The following GNPTAB variants were observed in gnomAD, a reference collection of about 807,000 sequenced individuals.
GNPTAB encodes N-acetylglucosamine-1-phosphate transferase subunits alpha and beta.
A neutral mutation model predicts 136.6 loss-of-function variants in GNPTAB; 92 were observed. The observed-to-expected ratio is 0.67, with a 90% CI of 0.57 to 0.80. The LOEUF (loss-of-function observed/expected upper bound fraction) is 0.80. Ranked by LOEUF, GNPTAB falls within the 30% of genes least tolerant of loss-of-function variation. GNPTAB has a pLI of 0.00. For synonymous variants in GNPTAB, 512 were observed against 535.1 expected, an observed-to-expected ratio of 0.96 and a Z score of 0.60; for missense variants, 1,343 against 1,501.8, an observed-to-expected ratio of 0.89 and a Z score of 1.75.
In GNPTAB at chr12:101,753,284, A is replaced by T. The variant is rs552748037; in HGVS notation, c.3602+88T>A. The T allele has an allele frequency of 8.0e-5, 92 of 1,143,596 alleles. No homozygotes were observed. In the African/African-American group the frequency reaches 8.9e-4, roughly 11 times the overall value. The allele number at this position is 1,143,596 out of a possible 1,614,324, so 70.8% of individuals were successfully genotyped here. A position where few individuals can be genotyped will look rare whatever the true frequency, so the allele number is the denominator to read the frequency against. ...AAAAAAATAAAAAGAGAAATTTCAT[A>T]AAAAAAACATTTCATCACTAACATA... On this transcript the variant is annotated intron_variant, in intron 19 of 20. Coordinates refer to ENST00000299314, the MANE Select transcript of GNPTAB (RefSeq NM_024312.5).
Position 101,757,639 on chromosome 12 carries a change from G to T in GNPTAB, c.3268C>A (p.Leu1090Ile). Residue 1090 changes from leucine to isoleucine, a missense_variant, in exon 17 of 21, where the codon CTA (leucine) becomes ATA (isoleucine). Coordinates refer to ENST00000299314, the MANE Select transcript of GNPTAB (RefSeq NM_024312.5). ...DPNLPPVTKS[L>I]VTNCKPVTDK... ...GTTACTGGTTTACAGTTTGTTACTA[G>T]ACTTTTAGTGACCGGTGGCTATGAG... 6.4e-7 allele frequency: 1 copy of T among 1,564,234 alleles called. No homozygotes were observed.
rs747616827 is a variant in GNPTAB, at chr12:101,761,618, G to A, written c.2861C>T (p.Pro954Leu). 1.1e-5 allele frequency: 17 copies of A among 1,614,170 alleles called. No homozygotes were observed. Among genetic ancestry groups the A allele is most frequent in the Non-Finnish European group, 1.4e-5 (17 of 1,180,010 alleles). ...GTCAATCATGTGAGGCATGTGAGCAGGGACTTTCCGCGATGTGAATCCAAA... is the reference window on the plus strand; with the variant it reads ...GTCAATCATGTGAGGCATGTGAGCAAGGACTTTCCGCGATGTGAATCCAAA... The part of the protein sequence containing the change: ...SKFGFTSRKV[P>L]AHMPHMIDRI... The change falls in exon 14 of 21, where the codon CCT becomes CTT. Residue 954 changes from proline (P) to leucine (L), a missense_variant. By Grantham distance (98) the Pro-to-Leu change is moderately conservative. Transcript: ENST00000299314.
chr12:101,800,414 C>T (rs767269947), intron 1 of GNPTAB, among the ~76,000 whole-genome samples: 2 of 151,842 alleles, frequency 1.3e-5, no homozygotes, highest in Non-Finnish European at 2.9e-5. Flanking sequence ...AACATCAAAA[C>T]TAATTTGGAT....
intron 2 of GNPTAB, among the ~76,000 whole-genome samples, chr12:101,794,416 AG>A (rs776154991): frequency 6.6e-6 from 1 of 152,098 alleles, no homozygotes; most frequent in African/African-American, 2.4e-5. Flanking sequence ...TGGGAGGCTG[AG>A]GTAAGAGGAT....
chr12:101,763,842 TG>T (rs1953039679), intron 13 of GNPTAB, among the ~76,000 whole-genome samples: 1 of 152,178 alleles, frequency 6.6e-6, no homozygotes, highest in Non-Finnish European at 1.5e-5. Context: ...TGAACTTAAT[TG>T]AACTTCAGGG....
intron 11 of GNPTAB, 67 bp from the exon 12 acceptor site, chr12:101,766,361 G>A (rs1020170711): frequency 7.2e-7 from 1 of 1,394,690 alleles, no homozygotes; most frequent in Non-Finnish European, 1.0e-6. Context: ...TTCTGGACTG[G>A]GTGTGGTGGC....
chr12:101,805,069 T>C (rs1474333365), intron 1 of GNPTAB, among the ~76,000 whole-genome samples: 1 of 147,650 alleles, frequency 6.8e-6, no homozygotes, highest in Non-Finnish European at 1.5e-5. Context: ...AATTAAAATA[T>C]ATCATGTGAA....
At chr12:101,767,647 G>A (rs894227634) in intron 11 of GNPTAB, among the ~76,000 whole-genome samples, 2 of 152,192 alleles carry the variant, frequency 1.3e-5, no homozygotes, top group African/African-American at 4.8e-5. Flanking sequence ...TTTTGAGAGA[G>A]GCTGTCACTC....
chr12:101,763,237 A>AG (rs1491345396), intron 13 of GNPTAB, among the ~76,000 whole-genome samples: 1 of 73,854 alleles, frequency 1.4e-5, no homozygotes, highest in Non-Finnish European at 3.0e-5. Flanking sequence ...AAAAAAAAAA[A>AG]GAAAGGAAAG....
chr12:101,766,810 G>C (rs1030127217), intron 11 of GNPTAB, among the ~76,000 whole-genome samples: 17 of 152,142 alleles, frequency 1.1e-4, no homozygotes, highest in Non-Finnish European at 2.2e-4. Flanking sequence ...TGATGAACAG[G>C]CCCTGGCATT....
At chr12:101,788,643 A>T in intron 3 of GNPTAB, 54 bp from the exon 4 acceptor site, 1 of 896,606 alleles carries the variant, frequency 1.1e-6, no homozygotes, top group South Asian at 1.3e-5. Context: ...TATACCTCCC[A>T]CTGTAACCAA....
At chr12:101,804,222 A>G (rs1186978378) in intron 1 of GNPTAB, among the ~76,000 whole-genome samples, 1 of 152,134 alleles carries the variant, frequency 6.6e-6, no homozygotes, top group Non-Finnish European at 1.5e-5. Context: ...CAAAAAAACA[A>G]AACAAAAAAA....
chr12:101,760,642 C>A (rs1952978184), intron 15 of GNPTAB, among the ~76,000 whole-genome samples: 1 of 152,078 alleles, frequency 6.6e-6, no homozygotes, highest in Non-Finnish European at 1.5e-5. Context: ...AAATACAAAC[C>A]CCAAATTTGG....
chr12:101,802,824 T>C (rs1869723472), intron 1 of GNPTAB, among the ~76,000 whole-genome samples: 1 of 152,192 alleles, frequency 6.6e-6, no homozygotes, highest in Non-Finnish European at 1.5e-5. Context: ...ACCTCTGATC[T>C]AGTTAATTTG....
intron 1 of GNPTAB, among the ~76,000 whole-genome samples, chr12:101,823,503 G>T (rs185430412): frequency 6.6e-6 from 1 of 151,610 alleles, no homozygotes; most frequent in East Asian, 1.9e-4. Context: ...CCAGCTACTC[G>T]GGAGGCTGAC....
intron 19 of GNPTAB, among the ~76,000 whole-genome samples, chr12:101,751,416 C>T (rs1952817096): frequency 6.6e-6 from 1 of 152,158 alleles, no homozygotes; most frequent in African/African-American, 2.4e-5. Context: ...ATCTCAAGGC[C>T]TGGTACCACA....
At chr12:101,801,080 A>G (rs928856316) in intron 1 of GNPTAB, among the ~76,000 whole-genome samples, 2 of 151,310 alleles carry the variant, frequency 1.3e-5, no homozygotes, top group Non-Finnish European at 2.9e-5. Flanking sequence ...CAAAAAATAA[A>G]AAATTGGCCA....
chr12:101,804,509 G>A (rs1869829800), intron 1 of GNPTAB, among the ~76,000 whole-genome samples: 1 of 152,194 alleles, frequency 6.6e-6, no homozygotes, highest in African/African-American at 2.4e-5. Context: ...GCCAATGTTT[G>A]AGTTCTTGTT....
At chr12:101,813,416 G>A (rs192052297) in intron 1 of GNPTAB, among the ~76,000 whole-genome samples, 10 of 152,214 alleles carry the variant, frequency 6.6e-5, no homozygotes, top group Admixed American at 6.5e-4. Context: ...GAAGTGGGTA[G>A]GGTGCTACAT....
Sources: allele counts gnomAD v4.1 joint callset (sites outside exome capture counted in the v4.1 genomes callset), GRCh38; gene constraint gnomAD v4.1.1; transcripts MANE v1.5; gene names NCBI Gene and HGNC (gene_info 2026-07-23, HGNC 2026-07-21).